The following NUP210 variants were observed in gnomAD, a reference collection of about 807,000 sequenced individuals.
NUP210 encodes the protein nuclear pore membrane glycoprotein 210.
In NUP210, 151 loss-of-function variants were observed where a neutral mutation model predicts 196.0. The observed-to-expected ratio is 0.77, with a 90% CI of 0.67 to 0.88. The LOEUF is 0.88. NUP210 is among the 40% of genes least tolerant of loss of function. The pLI, the probability that NUP210 is intolerant of heterozygous loss-of-function variation, is 0.00. For missense variants in NUP210, 2,314 were observed against 2,493.7 expected (o/e 0.93, Z 1.53); for synonymous variants, 1,070 against 1,052.7 (o/e 1.02, Z -0.32).
chr3:13,338,382 C>T (rs527641372), intron 25 of NUP210, among the ~76,000 whole-genome samples: 74 of 152,328 alleles, frequency 4.9e-4, no homozygotes, highest in African/African-American at 1.7e-3. Context: ...CTGAACTCCA[C>T]ACTCCTATTA....
chr3:13,325,650 T>C (rs576193191), intron 33 of NUP210, 145 bp downstream of exon 33: 1 of 856,116 alleles, frequency 1.2e-6, no homozygotes, highest in South Asian at 1.7e-5. Flanking sequence ...AGTCAGCAAG[T>C]GGCCAGTCCC....
intron 4 of NUP210, among the ~76,000 whole-genome samples, 178 bp downstream of exon 4, chr3:13,391,033 A>T (rs1040934268): frequency 6.6e-6 from 1 of 152,206 alleles, no homozygotes; most frequent in Non-Finnish European, 1.5e-5. Flanking sequence ...AGGCTCCCGC[A>T]CAATGGTGTG....
At position 13,379,445 on chromosome 3, in the gene NUP210, G is replaced by T; in HGVS notation, c.976+118C>A. On this transcript the variant is annotated intron_variant, in intron 7 of 39. Coordinates refer to ENST00000254508, the MANE Select transcript of NUP210 (RefSeq NM_024923.4). This position sits in a 1 kb window ranked among gnomAD's most constrained non-coding sequence, Gnocchi z 4.2. ...CTATTTCAGTTCTTTCTGATTTTCAGACCGTTGAGGGGAAACGGCTATTTT... is the reference window on the plus strand; with the variant it reads ...CTATTTCAGTTCTTTCTGATTTTCATACCGTTGAGGGGAAACGGCTATTTT... The T allele has an allele frequency of 7.7e-7, 1 of 1,300,688 alleles. No homozygotes were observed. The highest frequency in any genetic ancestry group is 1.1e-6 in the Non-Finnish European group (1 of 914,358). The allele number at this position is 1,300,688 out of a possible 1,614,324, so 80.6% of individuals were successfully genotyped here.
chr3:13,322,439 T>C (rs1696578454), intron 34 of NUP210, 100 bp from the exon 35 acceptor site: 1 of 1,296,584 alleles, frequency 7.7e-7, no homozygotes, highest in Non-Finnish European at 1.1e-6. Flanking sequence ...AAATGCCACC[T>C]GCCCCTGCAT....
rs748372260 is a variant in NUP210, at chr3:13,330,650, CAG to C, written c.3936-18_3936-17del. 14 of 1,612,246 alleles carry C rather than the reference CAG, an allele frequency of 8.7e-6. No homozygotes were observed. In the East Asian group the frequency reaches 1.1e-4, roughly 13 times the overall value. ...TGCACCATCCCTTTGGAAAACAAAACAGAGCTGTTTTTGTAGATGGCAGCAGT... is the reference window on the plus strand; with the variant it reads ...TGCACCATCCCTTTGGAAAACAAAACAGCTGTTTTTGTAGATGGCAGCAGT... On this transcript the variant is annotated splice_polypyrimidine_tract_variant and intron_variant, in intron 29 of 39. Coordinates refer to ENST00000254508, the MANE Select transcript of NUP210 (RefSeq NM_024923.4).
At chr3:13,396,760 C>CAAAAAAA (rs71066951) in intron 3 of NUP210, among the ~76,000 whole-genome samples, 1 of 62,098 alleles carries the variant, frequency 1.6e-5, no homozygotes, top group African/African-American at 7.4e-5. Context: ...GACTCTGTCT[C>CAAAAAAA]AAAAAAAAAA....
intron 1 of NUP210, among the ~76,000 whole-genome samples, chr3:13,409,305 T>C (rs538835037): frequency 2.0e-5 from 3 of 152,308 alleles, no homozygotes; most frequent in East Asian, 1.9e-4. Context: ...GGTGGGGCTT[T>C]TGGTGCGTGA....
chr3:13,339,225 C>G (rs1408715483), intron 25 of NUP210, among the ~76,000 whole-genome samples: 3 of 152,204 alleles, frequency 2.0e-5, no homozygotes, highest in Admixed American at 6.5e-5. Flanking sequence ...CACTTGCCAG[C>G]TTCTGGGGTG....
At chr3:13,337,058 A>C (rs1329391505) in intron 26 of NUP210, 140 bp from the exon 27 acceptor site, 18 of 1,038,674 alleles carry the variant, frequency 1.7e-5, no homozygotes, top group Non-Finnish European at 2.5e-5. Flanking sequence ...CAGGTTTGGG[A>C]ATTTTGATGA....
In NUP210 at chr3:13,358,258, G is replaced by A. The variant is rs1423931475; in HGVS notation, c.2292C>T (p.Asp764=). Residue 764 remains aspartate, a synonymous_variant, in exon 16 of 40, where the codon GAC becomes GAT. Transcript: ENST00000254508. ...LAPVYTSPQL[D]MSCPLLQQNK... is the part of the protein sequence containing the mutation. ...TCTGCTGCAGCAGCGGACAGGACAT[G>A]TCCAGCTGGGGGCTGGTGTAGACAG... 3.1e-6 allele frequency: 5 copies of A among 1,613,218 alleles called. No individual in the cohort carries two copies. The highest frequency in any genetic ancestry group is 4.2e-6 in the Non-Finnish European group (5 of 1,179,696).
chr3:13,343,339 T>TGGTGGGGGGGGGGGGGGG, intron 20 of NUP210, 36 bp from the exon 21 acceptor site: 1 of 282,512 alleles, frequency 3.5e-6, no homozygotes, highest in Non-Finnish European at 6.1e-6. Flanking sequence ...GGGTGGGTGG[T>TGGTGGGGGGGGGGGGGGG]GGGTTACGCA....
intron 1 of NUP210, among the ~76,000 whole-genome samples, chr3:13,406,064 A>G (rs1699992175): frequency 1.3e-5 from 2 of 152,220 alleles, no homozygotes; most frequent in South Asian, 4.1e-4. Context: ...ATTTTGAAGG[A>G]AATGTTCAGT....
chr3:13,394,713 C>T (rs1699596743), intron 3 of NUP210, among the ~76,000 whole-genome samples: 1 of 152,238 alleles, frequency 6.6e-6, no homozygotes, highest in Non-Finnish European at 1.5e-5. Flanking sequence ...AACCTACTGC[C>T]TGGCATCCAT....
At chr3:13,321,515 C>T (rs1696526116) in intron 36 of NUP210, 70 bp downstream of exon 36, 1 of 1,533,888 alleles carries the variant, frequency 6.5e-7, no homozygotes, top group Non-Finnish European at 8.9e-7. Context: ...ACACCACATT[C>T]CCTCTTCCTC....
intron 16 of NUP210, 97 bp downstream of exon 16, chr3:13,358,125 T>A: frequency 9.1e-7 from 1 of 1,096,164 alleles, no homozygotes; most frequent in Non-Finnish European, 1.3e-6. Flanking sequence ...TGGAGCTATG[T>A]CCGTTGCAAT....
chr3:13,351,900 C>T lies in NUP210; in HGVS notation c.2814G>A (p.Gln938=), dbSNP rs369529860. 230 of 1,613,714 alleles carry T rather than the reference C, an allele frequency of 1.4e-4. No individual in the cohort carries two copies. Among genetic ancestry groups the T allele is most frequent in the Non-Finnish European group, 1.8e-4 (218 of 1,179,758 alleles). Residue 938 remains glutamine, a synonymous_variant, in exon 20 of 40, where the codon CAG becomes CAA. Transcript: ENST00000254508. ...TTACCATGGCGACACCCCTGGCCTC[C>T]TGGTAGGCCACCTTGACAACATCTG... The part of the protein sequence containing the change: ...STADVVKVAY[Q]EARGVAMVHP...
At chr3:13,346,987 C>T (rs757010068) in intron 20 of NUP210, 1 of 982,820 alleles carries the variant, frequency 1.0e-6, no homozygotes, top group Non-Finnish European at 1.2e-6. Flanking sequence ...TGGGGACGTG[C>T]ACCACTGTCC....
In NUP210 at chr3:13,373,870, G is replaced by A. The variant is rs1254117174; in HGVS notation, c.1435C>T (p.His479Tyr). Residue 479 changes from histidine (H) to tyrosine (Y), a missense_variant, in exon 12 of 40, where the codon CAC (histidine) becomes TAC (tyrosine). Transcript: ENST00000254508. ...TGAYQYTIRA[H>Y]GGSGNFSWSS... ...CAGCTGAAGTTCCCACTGCCACCGT[G>A]GGCCTGCGGAGGAAAAGCCATCACA... 6.2e-7 allele frequency: 1 copy of A among 1,612,964 alleles called. No individual in the cohort carries two copies. The highest frequency in any genetic ancestry group is 1.1e-5 in the South Asian group (1 of 90,794).
chr3:13,371,075 T>G (rs1698714573), intron 13 of NUP210, among the ~76,000 whole-genome samples: 2 of 152,226 alleles, frequency 1.3e-5, no homozygotes, highest in Admixed American at 1.3e-4. Context: ...GCCCAAATCT[T>G]ACTCCTATTC....
Sources: allele counts gnomAD v4.1 joint callset (sites outside exome capture counted in the v4.1 genomes callset), GRCh38; gene constraint gnomAD v4.1.1; non-coding constraint Gnocchi (gnomAD v3.1); transcripts MANE v1.5; gene names NCBI Gene and HGNC (gene_info 2026-07-23, HGNC 2026-07-21).